The following PCDHA13 variants were observed in gnomAD, a reference collection of about 807,000 sequenced individuals.
PCDHA13 encodes protocadherin alpha 13, also known as protocadherin alpha-13.
A neutral mutation model predicts 64.8 loss-of-function variants in PCDHA13; 54 were observed. The observed-to-expected ratio is 0.83, with a 90% confidence interval of 0.67 to 1.04. The LOEUF (loss-of-function observed/expected upper bound fraction) is 1.04. PCDHA13 is among the 50% of genes least tolerant of loss of function. The pLI is 0.00. For synonymous variants in PCDHA13, 587 were observed against 564.4 expected, an observed-to-expected ratio of 1.04 and a Z score of -0.57; for missense variants, 1,248 against 1,254.3, an observed-to-expected ratio of 0.99 and a Z score of 0.08.
At chr5:140,922,391 G>T (rs1354789717) in intron 1 of PCDHA13, among the ~76,000 whole-genome samples, 1 of 152,182 alleles carries the variant, frequency 6.6e-6, no homozygotes, top group Non-Finnish European at 1.5e-5. Context: ...AAGACTCCTT[G>T]TTTTGGATTA....
intron 1 of PCDHA13, among the ~76,000 whole-genome samples, chr5:140,918,826 C>T (rs200767772): frequency 2.0e-5 from 3 of 149,724 alleles, no homozygotes; most frequent in African/African-American, 7.4e-5. Flanking sequence ...AAGTGGCCCC[C>T]TCCCCAGACA....
intron 3 of PCDHA13, among the ~76,000 whole-genome samples, chr5:141,007,324 A>G (rs35241677): frequency 0.053 from 8,037 of 150,420 alleles, 253 homozygotes; most frequent in South Asian, 0.11. Context: ...GCTAAAGTGG[A>G]CAGATTGCCT....
chr5:140,980,695 G>A (rs1403740157), intron 2 of PCDHA13, among the ~76,000 whole-genome samples: 1 of 149,792 alleles, frequency 6.7e-6, no homozygotes, highest in Non-Finnish European at 1.5e-5. Context: ...AAAAAAAAAA[G>A]CCAAATGTGC....
At chr5:140,931,852 G>A (rs1177917853) in intron 1 of PCDHA13, among the ~76,000 whole-genome samples, 1 of 151,728 alleles carries the variant, frequency 6.6e-6, no homozygotes, top group Admixed American at 6.6e-5. Flanking sequence ...AATAACAACA[G>A]GATTCTAGAA....
chr5:140,942,108 A>C (rs2093230471), intron 1 of PCDHA13, among the ~76,000 whole-genome samples: 1 of 152,238 alleles, frequency 6.6e-6, no homozygotes. Context: ...TCATATAATC[A>C]AACTTTATTA....
At chr5:140,889,339 G>A (rs1554183871) in intron 1 of PCDHA13, among the ~76,000 whole-genome samples, 1 of 151,948 alleles carries the variant, frequency 6.6e-6, no homozygotes, top group Admixed American at 6.6e-5. Flanking sequence ...TTTGATTGGT[G>A]GGAATATTTC....
At chr5:140,936,043 C>A (rs1246569956) in intron 1 of PCDHA13, among the ~76,000 whole-genome samples, 1 of 152,038 alleles carries the variant, frequency 6.6e-6, no homozygotes, top group Non-Finnish European at 1.5e-5. Context: ...CAGGCACCCA[C>A]CACCACACCC....
intron 3 of PCDHA13, among the ~76,000 whole-genome samples, chr5:140,996,819 C>T (rs1446677147): frequency 6.6e-6 from 1 of 152,142 alleles, no homozygotes; most frequent in East Asian, 1.9e-4. Context: ...CAAAAGTAAC[C>T]ACTACCAATA....
At chr5:141,009,095 A>G (rs1304233331) in intron 3 of PCDHA13, among the ~76,000 whole-genome samples, 3 of 152,214 alleles carry the variant, frequency 2.0e-5, no homozygotes, top group Admixed American at 6.5e-5. Context: ...AGAACCAAAC[A>G]TATGTTACTA....
At chr5:140,999,444 C>A (rs782553983) in intron 3 of PCDHA13, among the ~76,000 whole-genome samples, 25 of 152,210 alleles carry the variant, frequency 1.6e-4, no homozygotes, top group Non-Finnish European at 3.1e-4. Flanking sequence ...GCCTCTTATT[C>A]GTTCAACGAA....
At chr5:140,941,255 C>CTTTCTTTCTTTCTTTCTCTT (rs782490896) in intron 1 of PCDHA13, among the ~76,000 whole-genome samples, 1 of 44,508 alleles carries the variant, frequency 2.2e-5, no homozygotes, top group Non-Finnish European at 5.1e-5. Context: ...TTCTTTCTTT[C>CTTTCTTTCTTTCTTTCTCTT]TCTTTCTTTC....
chr5:140,926,679 C>T (rs1348629347), intron 1 of PCDHA13: 26 of 638,064 alleles, frequency 4.1e-5, no homozygotes, highest in Middle Eastern at 4.4e-4. Context: ...GCCCAGCCTC[C>T]AGCCTAGCAA....
chr5:140,882,203 TGA>T lies in PCDHA13; in HGVS notation c.-61_-60del. 1 of 1,530,090 alleles carries T rather than the reference TGA, an allele frequency of 6.5e-7. No homozygotes were observed. Among genetic ancestry groups the T allele is most frequent in the Non-Finnish European group, 8.8e-7 (1 of 1,138,758 alleles). 94.8% of individuals were successfully genotyped at this position (1,530,090 alleles called of 1,614,324 possible). On this transcript the variant is annotated 5_prime_UTR_variant, in exon 1 of 4. Coordinates refer to ENST00000289272, the MANE Select transcript of PCDHA13 (RefSeq NM_018904.3). ...CTAGGAAGCCATAAAAATTGGGCCTTGAGAGACAGTTTGAGGTAAGGCGTTGT... is the reference window on the plus strand; with the variant it reads ...CTAGGAAGCCATAAAAATTGGGCCTTGAGACAGTTTGAGGTAAGGCGTTGT...
At chr5:140,928,427 C>T in intron 1 of PCDHA13, 1 of 1,614,132 alleles carries the variant, frequency 6.2e-7, no homozygotes. Flanking sequence ...GCCAAAACTT[C>T]CTTTGACTTT....
At chr5:140,977,911 A>T (rs2096780139) in intron 1 of PCDHA13, among the ~76,000 whole-genome samples, 1 of 152,002 alleles carries the variant, frequency 6.6e-6, no homozygotes, top group Non-Finnish European at 1.5e-5. Flanking sequence ...TTTATCCCCC[A>T]TTTTTTTCAT....
chr5:140,926,805 G>T (rs1383202456), intron 1 of PCDHA13: 3 of 1,452,468 alleles, frequency 2.1e-6, no homozygotes, highest in East Asian at 5.0e-5. Flanking sequence ...GCTCTTCCCC[G>T]CGGCTCGTGC....
chr5:140,960,053 G>A (rs2095524432), intron 1 of PCDHA13, among the ~76,000 whole-genome samples: 3 of 152,156 alleles, frequency 2.0e-5, no homozygotes, highest in Non-Finnish European at 4.4e-5. Flanking sequence ...TTAAAAACAT[G>A]TACAGAAGAT....
intron 1 of PCDHA13, among the ~76,000 whole-genome samples, chr5:140,953,877 ACCCATCAC>A (rs1252251050): frequency 6.6e-6 from 1 of 152,098 alleles, no homozygotes; most frequent in Non-Finnish European, 1.5e-5. Context: ...GCACAGATCA[ACCCATCAC>A]CTAGGTATTA....
chr5:140,971,943 A>T (rs2096507947), intron 1 of PCDHA13, among the ~76,000 whole-genome samples: 1 of 152,186 alleles, frequency 6.6e-6, no homozygotes, highest in Non-Finnish European at 1.5e-5. Flanking sequence ...AGTTGTATCC[A>T]TCTGACTCCA....
Sources: gnomAD v4.1 joint callset for allele counts (sites outside exome capture counted in the v4.1 genomes callset) on GRCh38, gnomAD v4.1.1 for gene constraint, MANE v1.5 for transcripts, NCBI Gene and HGNC (gene_info 2026-07-23, HGNC 2026-07-21) for gene names.